Variants in ASXL2 observed in about 807,000 individuals in gnomAD.
The protein encoded by ASXL2 is putative Polycomb group protein ASXL2.
Under a neutral mutation model 122.0 loss-of-function variants are expected in ASXL2, and 23 were observed. That is an observed-to-expected ratio of 0.19 (90% CI 0.14 to 0.27). ASXL2 has a LOEUF of 0.27. Ranked by LOEUF, ASXL2 falls within the 10% of genes least tolerant of loss-of-function variation. The pLI is 1.00. For missense variants in ASXL2, 1,518 were observed against 1,713.8 expected, an observed-to-expected ratio of 0.89 and a Z score of 2.02; for synonymous variants, 650 against 637.0, an observed-to-expected ratio of 1.02 and a Z score of -0.31.
Position 25,744,859 on chromosome 2 carries a change from C to T in ASXL2, c.1861-383G>A, listed in dbSNP as rs1294510178. 1.3e-5 allele frequency among the ~76,000 whole-genome samples: 2 copies of T among 152,012 alleles called. No individual in the cohort carries two copies. The highest frequency in any genetic ancestry group is 3.9e-4 in the East Asian group (2 of 5,190). ...AGAAGAGAAAAGCAAGCAAGCCAGCCACCCATACCACTACTGTCTTTTAGT... is the reference window on the plus strand; with the variant it reads ...AGAAGAGAAAAGCAAGCAAGCCAGCTACCCATACCACTACTGTCTTTTAGT... On this transcript the variant is annotated intron_variant, in intron 12 of 12. Transcript: ENST00000435504. The surrounding 1 kb of genome is among the most constrained non-coding windows in gnomAD (Gnocchi z 4.7).
rs529456886 is a variant in ASXL2, at chr2:25,835,530, C to T, written c.143+8G>A. ...AATACTTCTTTAGAATAAAGTAATA[C>T]TTCTTACCTTCTGGAGTTGGAATGC... is the stretch of plus-strand genomic sequence containing the variant. On this transcript the variant is annotated splice_region_variant and intron_variant, in intron 3 of 12. Coordinates refer to ENST00000435504, the MANE Select transcript of ASXL2 (RefSeq NM_018263.6). 33 of 296,510 alleles carry T rather than the reference C, an allele frequency of 1.1e-4. No homozygotes were observed. The highest frequency in any genetic ancestry group is 7.0e-4 in the African/African-American group (32 of 45,518). 18.4% of individuals were successfully genotyped at this position (296,510 alleles called of 1,614,324 possible).
In ASXL2 at chr2:25,743,974, G is replaced by C; in HGVS notation, c.2363C>G (p.Ala788Gly). ...GGCTGGTGATGGGACACTTGTGCAT[G>C]CTCCACTGACGGCAGGTGTTGGAGG... ...PVPPTPAVSG[A>G]CTSVPSPAHI... Residue 788 changes from alanine to glycine, a missense_variant, in exon 13 of 13, where the codon GCA becomes GGA. This residue lies in a region of ASXL2 where 831 missense variants were observed against 833.1 expected (regional missense o/e 1.00). Transcript: ENST00000435504. 2.5e-6 allele frequency: 4 copies of C among 1,614,012 alleles called. No homozygotes were observed. The highest frequency in any genetic ancestry group is 3.4e-6 in the Non-Finnish European group (4 of 1,179,888).
chr2:25,776,125 C>T (rs964802221), intron 5 of ASXL2, among the ~76,000 whole-genome samples: 1 of 152,074 alleles, frequency 6.6e-6, no homozygotes, highest in Non-Finnish European at 1.5e-5. Flanking sequence ...CAATCATCAC[C>T]CCTCAAAAAA....
Position 25,741,791 on chromosome 2 carries a change from G to A in ASXL2, c.*238C>T. 1 of 471,582 alleles carries A rather than the reference G, an allele frequency of 2.1e-6. No individual in the cohort carries two copies. Among genetic ancestry groups the A allele is most frequent in the Non-Finnish European group, 3.8e-6 (1 of 265,404 alleles). The allele number at this position is 471,582 out of a possible 1,614,324, so 29.2% of individuals were successfully genotyped here. Reference sequence around the variant, plus strand: ...AAATGTGACATATTTACATGATTTTGTAAGTGCAAACTTGTCACAAATTCA... The same window carrying A: ...AAATGTGACATATTTACATGATTTTATAAGTGCAAACTTGTCACAAATTCA... On this transcript the variant is annotated 3_prime_UTR_variant, in exon 13 of 13. Transcript: ENST00000435504.
At chr2:25,750,524 G>C (rs570017731) in intron 11 of ASXL2, 111 bp from the exon 12 acceptor site, 16 of 942,198 alleles carry the variant, frequency 1.7e-5, no homozygotes, top group African/African-American at 1.3e-4. Context: ...CCCTGACACA[G>C]CAGGTATTCA....
At chr2:25,787,864 A>G (rs1216631279) in intron 5 of ASXL2, among the ~76,000 whole-genome samples, 1 of 152,244 alleles carries the variant, frequency 6.6e-6, no homozygotes, top group East Asian at 1.9e-4. Flanking sequence ...GGACATGTGG[A>G]AACTAACAAG....
At position 25,743,915 on chromosome 2, in the gene ASXL2, G is replaced by A. The variant is rs2087891989; in HGVS notation, c.2422C>T (p.Pro808Ser). ...IEKLDNEKLNPTRATATVASV... is the reference protein window; with the variant it reads ...IEKLDNEKLNSTRATATVASV... ...GCCACTGTGGCTGTTGCTCTGGTGG[G>A]GTTCAGTTTTTCATTATCCAATTTC... Residue 808 changes from proline to serine, a missense_variant, in exon 13 of 13, where the codon CCC becomes TCC. Pro to Ser is a moderately conservative substitution (Grantham distance 74). Coordinates refer to ENST00000435504, the MANE Select transcript of ASXL2 (RefSeq NM_018263.6). The A allele has an allele frequency of 6.2e-7, 1 of 1,613,944 alleles. No individual in the cohort carries two copies. The highest frequency in any genetic ancestry group is 1.1e-5 in the South Asian group (1 of 91,082).
Position 25,828,293 on chromosome 2 carries a change from T to C in ASXL2, c.143+7245A>G, listed in dbSNP as rs114103059. Among the ~76,000 whole-genome samples the C allele has an allele frequency of 5.5e-3, 827 of 149,460 alleles. 6 individuals carry two copies. Among genetic ancestry groups the C allele is most frequent in the African/African-American group, 0.019 (774 of 40,520 alleles). The stretch of plus-strand genomic sequence containing the variant: ...GGCCGAGGCAGGTGGATCACGTGAG[T>C]CAGGAGTTCGAGACCAGCCTGACCA... On this transcript the variant is annotated intron_variant, in intron 3 of 12. Transcript: ENST00000435504.
chr2:25,799,970 C>T (rs1036701415), intron 4 of ASXL2, among the ~76,000 whole-genome samples: 7 of 147,848 alleles, frequency 4.7e-5, no homozygotes, highest in African/African-American at 1.8e-4. Context: ...CATGGTGAAA[C>T]CCGTCTCTAC....
intron 6 of ASXL2, among the ~76,000 whole-genome samples, chr2:25,769,693 G>T (rs549221529): frequency 6.6e-5 from 10 of 151,474 alleles, no homozygotes; most frequent in African/African-American, 2.4e-4. Context: ...AAGAAACGAA[G>T]AAAGTAATTT....
chr2:25,770,168 A>G (rs1057287874), intron 6 of ASXL2, among the ~76,000 whole-genome samples: 1 of 152,174 alleles, frequency 6.6e-6, no homozygotes, highest in Non-Finnish European at 1.5e-5. Flanking sequence ...ACTTGATTGC[A>G]TCTATTTCTG....
intron 8 of ASXL2, among the ~76,000 whole-genome samples, chr2:25,765,517 G>A (rs1378032412): frequency 6.6e-6 from 1 of 151,934 alleles, no homozygotes; most frequent in Non-Finnish European, 1.5e-5. Flanking sequence ...TAGTCATTGT[G>A]GCTATGTTAC....
rs539459100 is a variant in ASXL2 at position 25,750,104 on chromosome 2, C to T, written c.1452G>A (p.Lys484=). The T allele has an allele frequency of 2.5e-4, 406 of 1,613,894 alleles. 4 individuals carry two copies. In the South Asian group the frequency reaches 4.3e-3, roughly 17 times the overall value. The change falls in exon 12 of 13, where the codon AAG becomes AAA. Residue 484 remains lysine, a synonymous_variant. Coordinates refer to ENST00000435504, the MANE Select transcript of ASXL2 (RefSeq NM_018263.6). ...GCTTCTGCTCCAAGAGATCCTCATCCTTTGGGCACTTGATGGGAAGAATGC... is the reference window on the plus strand; with the variant it reads ...GCTTCTGCTCCAAGAGATCCTCATCTTTTGGGCACTTGATGGGAAGAATGC... ...LSSILPIKCP[K]DEDLLEQKPV... is the part of the protein sequence containing the mutation.
chr2:25,764,365 T>C (rs912731630), intron 8 of ASXL2, among the ~76,000 whole-genome samples: 12 of 152,132 alleles, frequency 7.9e-5, no homozygotes, highest in South Asian at 2.1e-4. Flanking sequence ...CTGGGCCACA[T>C]TGGAAGGAGA....
At chr2:25,751,074 T>C (rs904850403) in intron 11 of ASXL2, among the ~76,000 whole-genome samples, 1 of 152,308 alleles carries the variant, frequency 6.6e-6, no homozygotes, top group African/African-American at 2.4e-5. Context: ...TATAGTTCCA[T>C]TGAGATATCC....
intron 2 of ASXL2, among the ~76,000 whole-genome samples, chr2:25,844,602 AAACAAAAAAAAACAC>A (rs992640383): frequency 1.3e-4 from 19 of 151,606 alleles, no homozygotes; most frequent in Non-Finnish European, 2.1e-4. Context: ...AAAAAAAACA[AAACAAAAAAAAACAC>A]ACACACACAT....
At chr2:25,876,512 T>A (rs1400430083) in intron 1 of ASXL2, among the ~76,000 whole-genome samples, 11 of 152,098 alleles carry the variant, frequency 7.2e-5, no homozygotes, top group Non-Finnish European at 1.5e-4. Flanking sequence ...CTCTACAAAA[T>A]ATTTTTAATT....
At chr2:25,873,518 T>C (rs539391290) in intron 1 of ASXL2, among the ~76,000 whole-genome samples, 3 of 152,134 alleles carry the variant, frequency 2.0e-5, no homozygotes, top group Admixed American at 6.6e-5. Flanking sequence ...TAAATAAAGA[T>C]GATTAATATG....
At chr2:25,773,049 A>C (rs1384825639) in intron 5 of ASXL2, among the ~76,000 whole-genome samples, 5 of 151,866 alleles carry the variant, frequency 3.3e-5, no homozygotes, top group African/African-American at 1.2e-4. Context: ...TCTCTACTAA[A>C]AATACAAAAA....
Sources: gnomAD v4.1 joint callset for allele counts (sites outside exome capture counted in the v4.1 genomes callset) on GRCh38, gnomAD v4.1.1 for gene constraint, gnomAD v4.1.1 regional missense constraint, Gnocchi (gnomAD v3.1) non-coding constraint, MANE v1.5 for transcripts, NCBI Gene and HGNC (gene_info 2026-07-23, HGNC 2026-07-21) for gene names.